Variants in ADAMTSL1 observed in about 807,000 individuals in gnomAD.
The protein encoded by ADAMTSL1 is ADAMTS-like protein 1.
ADAMTSL1 carries 126 observed loss-of-function variants against 201.8 expected under a neutral mutation model. The observed-to-expected ratio is 0.62, with a 90% confidence interval of 0.54 to 0.72. The LOEUF (loss-of-function observed/expected upper bound fraction) is 0.72, where lower values mean the gene tolerates loss of function less well. ADAMTSL1 is among the 30% of genes least tolerant of loss of function. The pLI is 0.00. For synonymous variants in ADAMTSL1, 1,121 were observed against 903.4 expected (o/e 1.24, Z -4.32); for missense variants, 2,679 against 2,277.8 (o/e 1.18, Z -3.59).
At chr9:18,321,521 C>T (rs538336666) in intron 2 of ADAMTSL1, among the ~76,000 whole-genome samples, 12 of 152,298 alleles carry the variant, frequency 7.9e-5, no homozygotes, top group African/African-American at 2.2e-4. Flanking sequence ...TGGCTGGGCG[C>T]GGTGGCTCAC....
chr9:18,828,948 C>T (rs1824801344), intron 22 of ADAMTSL1, among the ~76,000 whole-genome samples: 1 of 151,950 alleles, frequency 6.6e-6, no homozygotes, highest in South Asian at 2.1e-4. Flanking sequence ...GAGCAATACT[C>T]CTGGGCTGCT....
intron 1 of ADAMTSL1, among the ~76,000 whole-genome samples, chr9:18,050,718 C>A (rs1039930495): frequency 6.6e-6 from 1 of 151,844 alleles, no homozygotes; most frequent in African/African-American, 2.4e-5. Flanking sequence ...CTTTTGAGAC[C>A]CAGAGGGAAA....
intron 20 of ADAMTSL1, among the ~76,000 whole-genome samples, chr9:18,815,413 G>C (rs925951380): frequency 6.6e-6 from 1 of 151,700 alleles, no homozygotes; most frequent in African/African-American, 2.4e-5. Context: ...GGACAGGCGT[G>C]GTGGCTCATG....
At position 17,908,725 on chromosome 9, in the gene ADAMTSL1, T is replaced by G. The variant is rs199518825; in HGVS notation, c.87+1803T>G. ...CACTCGCCTCGGCCTTCCAAAGTTC[T>G]GGGATTACAGGCGTGAGCCACTGCT... On this transcript the variant is annotated intron_variant, in intron 1 of 29. Transcript: ENST00000680146. 2.0e-5 allele frequency among the ~76,000 whole-genome samples: 3 copies of G among 152,236 alleles called. No homozygotes were observed. The East Asian group carries it at 5.8e-4, about 29-fold the overall frequency.
In ADAMTSL1 at chr9:18,910,350, T is replaced by C. The variant is rs1830535124; in HGVS notation, c.*1802T>C. On this transcript the variant is annotated 3_prime_UTR_variant, in exon 29 of 29. Coordinates refer to ENST00000380548, the MANE Select transcript of ADAMTSL1 (RefSeq NM_001040272.6). ...AGGATTTCTTATTAAAAAAGTGCAA[T>C]ATTAATAATTGTACATTGTCATCCA... The C allele has an allele frequency of 6.6e-6, 1 of 152,232 alleles. No homozygotes were observed. Among genetic ancestry groups the C allele is most frequent in the Non-Finnish European group, 1.5e-5 (1 of 68,034 alleles). The allele number at this position is 152,232 out of a possible 1,614,324, so 9.4% of individuals were successfully genotyped here. A position where few individuals can be genotyped will look rare whatever the true frequency, so the allele number is the denominator to read the frequency against.
chr9:18,727,930 A>G (rs1817986727), intron 15 of ADAMTSL1, among the ~76,000 whole-genome samples: 1 of 151,938 alleles, frequency 6.6e-6, no homozygotes, highest in Non-Finnish European at 1.5e-5. Flanking sequence ...AAATGCAAAA[A>G]TTGGTCGGGT....
At chr9:18,169,271 A>C (rs1231371244) in intron 2 of ADAMTSL1, among the ~76,000 whole-genome samples, 1 of 151,898 alleles carries the variant, frequency 6.6e-6, no homozygotes, top group African/African-American at 2.4e-5. Flanking sequence ...CTAACATTTA[A>C]GTCTTTAATC....
intron 3 of ADAMTSL1, among the ~76,000 whole-genome samples, chr9:18,535,719 A>C (rs1819725831): frequency 6.6e-6 from 1 of 152,196 alleles, no homozygotes. Flanking sequence ...TCATGGCAGA[A>C]GGGGAAGCAA....
intron 25 of ADAMTSL1, among the ~76,000 whole-genome samples, chr9:18,891,769 T>C (rs1487469071): frequency 2.0e-5 from 3 of 152,214 alleles, no homozygotes; most frequent in Admixed American, 6.5e-5. Context: ...GAGGCCCAGA[T>C]TACTTTCCAG....
At chr9:18,698,580 C>A (rs1831714206) in intron 13 of ADAMTSL1, among the ~76,000 whole-genome samples, 2 of 152,168 alleles carry the variant, frequency 1.3e-5, no homozygotes, top group Admixed American at 6.5e-5. Flanking sequence ...GCCACCATGC[C>A]TGGACTGTGC....
At chr9:18,658,135 C>A (rs887207872) in intron 8 of ADAMTSL1, among the ~76,000 whole-genome samples, 3 of 152,098 alleles carry the variant, frequency 2.0e-5, no homozygotes, top group Non-Finnish European at 2.9e-5. Context: ...CCACCACGCC[C>A]GGCTAATTTT....
chr9:18,434,152 G>T (rs73417081), intron 2 of ADAMTSL1, among the ~76,000 whole-genome samples: 1,980 of 152,232 alleles, frequency 0.013, 43 homozygotes, highest in African/African-American at 0.044. Flanking sequence ...CCTACGTTTA[G>T]TTCTATCAAG....
chr9:18,786,093 G>A (rs1746377165), intron 19 of ADAMTSL1, among the ~76,000 whole-genome samples: 1 of 152,220 alleles, frequency 6.6e-6, no homozygotes, highest in Admixed American at 6.5e-5. Flanking sequence ...AGGAATGCAA[G>A]TGAACTTAAA....
chr9:18,095,909 G>T (rs1824232063), intron 1 of ADAMTSL1, among the ~76,000 whole-genome samples: 1 of 152,138 alleles, frequency 6.6e-6, no homozygotes, highest in Non-Finnish European at 1.5e-5. Flanking sequence ...TTGTTTCTAA[G>T]CCTCCTGAAT....
intron 23 of ADAMTSL1, among the ~76,000 whole-genome samples, chr9:18,840,913 T>G (rs1219188978): frequency 6.7e-6 from 1 of 148,330 alleles, no homozygotes; most frequent in Non-Finnish European, 1.5e-5. Flanking sequence ...CTGAAGTTGC[T>G]TATCAGCTTA....
chr9:18,739,874 G>A (rs949882614), intron 15 of ADAMTSL1, among the ~76,000 whole-genome samples: 1 of 149,938 alleles, frequency 6.7e-6, no homozygotes, highest in African/African-American at 2.5e-5. Flanking sequence ...ATGCCTGTGT[G>A]TATATGTGTG....
At chr9:18,259,179 T>G (rs1831816110) in intron 2 of ADAMTSL1, among the ~76,000 whole-genome samples, 2 of 152,212 alleles carry the variant, frequency 1.3e-5, no homozygotes, top group African/African-American at 4.8e-5. Context: ...ACACCATCCA[T>G]GTGCTTACCA....
intron 2 of ADAMTSL1, among the ~76,000 whole-genome samples, chr9:18,307,306 G>C (rs532215730): frequency 1.3e-5 from 2 of 152,114 alleles, no homozygotes; most frequent in Non-Finnish European, 2.9e-5. Context: ...AAAATAACCA[G>C]CTACCATCAT....
intron 2 of ADAMTSL1, among the ~76,000 whole-genome samples, chr9:18,206,847 T>TACGTGACC (rs1829667993): frequency 6.6e-6 from 1 of 152,134 alleles, no homozygotes; most frequent in Non-Finnish European, 1.5e-5. Context: ...ATCTGTCTCC[T>TACGTGACC]ACGTGACCAG....
Sources: allele counts gnomAD v4.1 joint callset (sites outside exome capture counted in the v4.1 genomes callset), GRCh38; gene constraint gnomAD v4.1.1; transcripts MANE v1.5; gene names NCBI Gene and HGNC (gene_info 2026-07-23, HGNC 2026-07-21).